The following PRR16 variants were observed in gnomAD, a reference collection of about 807,000 sequenced individuals.
PRR16 encodes protein Largen.
PRR16 carries 6 observed loss-of-function variants against 18.2 expected under a neutral mutation model. The ratio of observed to expected loss-of-function variants is 0.33; its 90% confidence interval spans 0.18 to 0.65. The LOEUF is 0.65. Ranked by LOEUF, PRR16 falls within the 30% of genes least tolerant of loss-of-function variation. The probability of loss-of-function intolerance (pLI) is 0.74; values close to 1 mark genes in which losing one functional copy is unlikely to be tolerated. For synonymous variants in PRR16, 151 were observed against 147.8 expected (o/e 1.02, Z -0.16); for missense variants, 412 against 376.6 (o/e 1.09, Z -0.78).
intron 1 of PRR16, among the ~76,000 whole-genome samples, chr5:120,467,059 T>C (rs1456335122): frequency 6.6e-6 from 1 of 152,194 alleles, no homozygotes; most frequent in East Asian, 1.9e-4. Context: ...TTGTCCAGCA[T>C]GTATCTTTTT....
At chr5:120,776,862 CTTA>C in the PRR16 span, among the ~76,000 whole-genome samples, 2 of 151,852 alleles carry the variant, frequency 1.3e-5, no homozygotes, top group Non-Finnish European at 1.5e-5. Flanking sequence ...GACCGTAATT[CTTA>C]TTATTGTTGA....
intron 1 of PRR16, among the ~76,000 whole-genome samples, chr5:120,603,523 G>T (rs144003911): frequency 1.4e-4 from 21 of 151,980 alleles, no homozygotes; most frequent in African/African-American, 4.8e-4. Flanking sequence ...TGGTTTCATT[G>T]TTCTGTTATG....
At chr5:120,775,794 C>CTTTTTTT in the PRR16 span, among the ~76,000 whole-genome samples, 15 of 122,570 alleles carry the variant, frequency 1.2e-4, no homozygotes, top group East Asian at 2.3e-4. Context: ...CTACGCCTGG[C>CTTTTTTT]TATTTTTTTT....
At chr5:120,574,825 G>C (rs546295813) in intron 1 of PRR16, among the ~76,000 whole-genome samples, 1 of 149,034 alleles carries the variant, frequency 6.7e-6, no homozygotes, top group African/African-American at 2.6e-5. Flanking sequence ...CAACTACTTT[G>C]ACAACTGTTC....
At chr5:120,601,582 A>G (rs1028306692) in intron 1 of PRR16, among the ~76,000 whole-genome samples, 24 of 151,894 alleles carry the variant, frequency 1.6e-4, no homozygotes, top group African/African-American at 4.8e-5. Flanking sequence ...AGTCCCACTT[A>G]CTAATTTTTG....
At chr5:120,648,317 C>T (rs1755663537) in intron 1 of PRR16, among the ~76,000 whole-genome samples, 1 of 151,988 alleles carries the variant, frequency 6.6e-6, no homozygotes, top group South Asian at 2.1e-4. Context: ...TTTCACTGTT[C>T]ATAACTCTGT....
intron 1 of PRR16, among the ~76,000 whole-genome samples, chr5:120,567,221 A>G (rs558674498): frequency 8.1e-4 from 124 of 152,206 alleles, no homozygotes; most frequent in African/African-American, 2.8e-3. Context: ...TAACTGGAAA[A>G]TGCATGCCCA....
intron 1 of PRR16, among the ~76,000 whole-genome samples, chr5:120,496,847 A>G (rs367720298): frequency 2.0e-5 from 3 of 151,954 alleles, no homozygotes; most frequent in East Asian, 1.9e-4. Context: ...AGTGCTACAC[A>G]TTTCCCACTC....
chr5:120,499,803 T>C (rs942821875), intron 1 of PRR16, among the ~76,000 whole-genome samples: 4 of 152,020 alleles, frequency 2.6e-5, no homozygotes, highest in African/African-American at 9.7e-5. Context: ...ATCTTCCTGG[T>C]TCTTGGTGTG....
At chr5:120,715,227 A>G in the PRR16 span, among the ~76,000 whole-genome samples, 2 of 152,240 alleles carry the variant, frequency 1.3e-5, no homozygotes, top group African/African-American at 4.8e-5. Context: ...ATAAAACTTT[A>G]TTTACAGACA....
At chr5:120,788,643 T>C in the PRR16 span, among the ~76,000 whole-genome samples, 1 of 152,072 alleles carries the variant, frequency 6.6e-6, no homozygotes, top group African/African-American at 2.4e-5. Context: ...GTTAGGCCAG[T>C]TCCAAACAGG....
chr5:120,484,918 A>AT (rs1242153790), intron 1 of PRR16, among the ~76,000 whole-genome samples: 2 of 151,570 alleles, frequency 1.3e-5, no homozygotes, highest in East Asian at 1.9e-4. Context: ...TTAATTTCTT[A>AT]TATCATTTAA....
chr5:120,593,764 A>G (rs4895266), intron 1 of PRR16, among the ~76,000 whole-genome samples: 100,648 of 151,838 alleles, frequency 0.66, 34,711 homozygotes, highest in East Asian at 0.85. Flanking sequence ...GAAAATACCA[A>G]CAAACCGAAT....
the PRR16 span, among the ~76,000 whole-genome samples, chr5:120,737,285 C>A: frequency 7.7e-6 from 1 of 129,522 alleles, no homozygotes; most frequent in East Asian, 2.6e-4. Context: ...GAAGTAGATT[C>A]CTCCTATTCC....
the PRR16 span, among the ~76,000 whole-genome samples, chr5:120,757,462 T>C: frequency 6.6e-6 from 1 of 152,086 alleles, no homozygotes; most frequent in Non-Finnish European, 1.5e-5. Context: ...GGAATGTTTC[T>C]CCATTTGTCT....
At chr5:120,581,485 A>AT (rs541970707) in intron 1 of PRR16, among the ~76,000 whole-genome samples, 184 of 151,990 alleles carry the variant, frequency 1.2e-3, no homozygotes, top group African/African-American at 4.0e-3. Context: ...GGATTCGTTG[A>AT]TTTTTTGGAG....
intron 1 of PRR16, among the ~76,000 whole-genome samples, chr5:120,580,795 T>G (rs912077526): frequency 4.6e-5 from 7 of 152,182 alleles, no homozygotes; most frequent in Admixed American, 2.0e-4. Flanking sequence ...ATGTGGTTTG[T>G]TTTTGGTTCT....
chr5:120,497,427 A>G (rs1335367717), intron 1 of PRR16, among the ~76,000 whole-genome samples: 7 of 118,526 alleles, frequency 5.9e-5, no homozygotes, highest in African/African-American at 1.0e-4. Flanking sequence ...GTCTCACGCT[A>G]TCACCTGAGC....
At chr5:120,494,146 T>C (rs549654342) in intron 1 of PRR16, among the ~76,000 whole-genome samples, 104 of 152,296 alleles carry the variant, frequency 6.8e-4, no homozygotes, top group African/African-American at 1.9e-3. Context: ...TTTTCAGTCC[T>C]ACCGTCAATG....
Sources: gnomAD v4.1 joint callset for allele counts (sites outside exome capture counted in the v4.1 genomes callset) on GRCh38, gnomAD v4.1.1 for gene constraint, MANE v1.5 for transcripts, NCBI Gene and HGNC (gene_info 2026-07-23, HGNC 2026-07-21) for gene names.